Variants in ANKRD62 observed in about 807,000 individuals in gnomAD.
The protein encoded by ANKRD62 is ankyrin repeat domain-containing protein 62.
A neutral mutation model predicts 98.8 loss-of-function variants in ANKRD62; 61 were observed. The observed-to-expected ratio is 0.62, with a 90% CI of 0.50 to 0.76. The LOEUF (loss-of-function observed/expected upper bound fraction) is 0.76. Among genes scored for constraint, ANKRD62 ranks in the 30% least tolerant of loss-of-function variants. The pLI is 0.00. For missense variants in ANKRD62, 933 were observed against 1,082.9 expected (o/e 0.86, Z 1.94); for synonymous variants, 341 against 367.9 (o/e 0.93, Z 0.84).
chr18:12,096,348 C>T (rs994502035), intron 4 of ANKRD62, 46 bp downstream of exon 4: 4 of 1,113,258 alleles, frequency 3.6e-6, no homozygotes, highest in Non-Finnish European at 5.1e-6. Context: ...GAGTGGTGTT[C>T]TAGAGTGGTA....
intron 10 of ANKRD62, among the ~76,000 whole-genome samples, chr18:12,118,525 C>T (rs1006355196): frequency 3.3e-5 from 5 of 151,006 alleles, no homozygotes; most frequent in African/African-American, 1.2e-4. Context: ...AGGAGAATCG[C>T]TTGAAGCTGG....
chr18:12,127,263 G>A (rs1309080131), intron 13 of ANKRD62, among the ~76,000 whole-genome samples: 2 of 152,202 alleles, frequency 1.3e-5, no homozygotes, highest in Non-Finnish European at 2.9e-5. Flanking sequence ...GCTGGGGTCA[G>A]GGAGAGAAGT....
the ANKRD62 span, among the ~76,000 whole-genome samples, chr18:12,155,577 T>C: frequency 6.6e-6 from 1 of 152,218 alleles, no homozygotes; most frequent in Non-Finnish European, 1.5e-5. Flanking sequence ...CCTATCTGCC[T>C]GGGCTTGGGG....
chr18:12,132,713 T>G (rs1037361288), downstream of ANKRD62, among the ~76,000 whole-genome samples: 8 of 152,252 alleles, frequency 5.3e-5, no homozygotes, highest in African/African-American at 1.9e-4. Context: ...CTCAAATGCT[T>G]TTTCTGCATC....
In ANKRD62 at chr18:12,094,152, T is replaced by A. The variant is rs1484796788; in HGVS notation, c.135T>A (p.Ala45=). 3 of 1,532,514 alleles carry A rather than the reference T, an allele frequency of 2.0e-6. No individual in the cohort carries two copies. The South Asian group carries it at 3.6e-5, about 18-fold the overall frequency. The allele number at this position is 1,532,514 out of a possible 1,614,324, so 94.9% of individuals were successfully genotyped here. The change falls in exon 1 of 14, where the codon GCT becomes GCA. Residue 45 remains alanine (A), a synonymous_variant. Coordinates refer to ENST00000587848, the MANE Select transcript of ANKRD62 (RefSeq NM_001277333.2). Reference sequence around the variant, plus strand: ...AGGATCTGGGCATGATCCACAAAGCTGCCATCGCAGGTGATGTGAACAAGG... The same window carrying A: ...AGGATCTGGGCATGATCCACAAAGCAGCCATCGCAGGTGATGTGAACAAGG... The part of the protein sequence containing the change: ...RQKDLGMIHK[A]AIAGDVNKVM...
At chr18:12,121,026 T>C (rs1263153635) in intron 10 of ANKRD62, among the ~76,000 whole-genome samples, 1 of 152,212 alleles carries the variant, frequency 6.6e-6, no homozygotes, top group Non-Finnish European at 1.5e-5. Flanking sequence ...TCTTTGTTCC[T>C]TTCTATTTGG....
At chr18:12,100,576 G>T (rs899795288) in intron 6 of ANKRD62, among the ~76,000 whole-genome samples, 2 of 152,062 alleles carry the variant, frequency 1.3e-5, no homozygotes, top group Non-Finnish European at 2.9e-5. Flanking sequence ...GACCTTTCTG[G>T]TACCATGAAC....
At chr18:12,112,988 C>A (rs1208391491) in intron 8 of ANKRD62, among the ~76,000 whole-genome samples, 1 of 152,118 alleles carries the variant, frequency 6.6e-6, no homozygotes, top group Non-Finnish European at 1.5e-5. Context: ...CTCCCCATCC[C>A]GGGTTAAGTG....
At chr18:12,161,231 A>G in the ANKRD62 span, among the ~76,000 whole-genome samples, 4 of 152,134 alleles carry the variant, frequency 2.6e-5, no homozygotes, top group African/African-American at 9.7e-5. Flanking sequence ...CACACCTGAA[A>G]AGATAATGCA....
chr18:12,110,123 A>G (rs1909508547), intron 8 of ANKRD62, among the ~76,000 whole-genome samples: 1 of 152,176 alleles, frequency 6.6e-6, no homozygotes, highest in African/African-American at 2.4e-5. Flanking sequence ...TATGCACCAC[A>G]CCATATTTTT....
At chr18:12,119,886 TA>T (rs1909749118) in intron 10 of ANKRD62, among the ~76,000 whole-genome samples, 1 of 152,150 alleles carries the variant, frequency 6.6e-6, no homozygotes, top group South Asian at 2.1e-4. Context: ...CCAACCTCAA[TA>T]TGTTATTTTT....
chr18:12,119,637 C>T (rs951284946), intron 10 of ANKRD62, among the ~76,000 whole-genome samples: 1 of 152,144 alleles, frequency 6.6e-6, no homozygotes, highest in Admixed American at 6.5e-5. Context: ...CTCTAAAAAT[C>T]CGCCCTTGTG....
In ANKRD62 at chr18:12,125,732, T is replaced by G; in HGVS notation, c.1911T>G (p.Ser637=). The G allele has an allele frequency of 6.5e-7, 1 of 1,544,064 alleles. No homozygotes were observed. Residue 637 remains serine (S), a synonymous_variant, in exon 13 of 14, where the codon TCT becomes TCG. Coordinates refer to ENST00000587848, the MANE Select transcript of ANKRD62 (RefSeq NM_001277333.2). ...TGGATGAGAATACAATGCTCAATTCTGAGCTACAGAAGGAAAAACAAAGCA... is the reference window on the plus strand; with the variant it reads ...TGGATGAGAATACAATGCTCAATTCGGAGCTACAGAAGGAAAAACAAAGCA... The part of the protein sequence containing the change: ...VLMDENTMLN[S]ELQKEKQSMS...
At chr18:12,105,008 T>C (rs908454019) in intron 7 of ANKRD62, among the ~76,000 whole-genome samples, 1 of 152,120 alleles carries the variant, frequency 6.6e-6, no homozygotes, top group African/African-American at 2.4e-5. Context: ...TAGTTACAAT[T>C]GAAATAAAAG....
the ANKRD62 span, among the ~76,000 whole-genome samples, chr18:12,146,399 C>G: frequency 6.6e-6 from 1 of 152,156 alleles, no homozygotes; most frequent in Non-Finnish European, 1.5e-5. Flanking sequence ...AAGAGACCCC[C>G]AGCACAGCAC....
At chr18:12,163,082 T>C in the ANKRD62 span, among the ~76,000 whole-genome samples, 2 of 152,166 alleles carry the variant, frequency 1.3e-5, no homozygotes, top group African/African-American at 2.4e-5. Context: ...AGGGATTGCA[T>C]TGAATCTGTA....
chr18:12,133,004 T>G (rs1422859836), downstream of ANKRD62, among the ~76,000 whole-genome samples: 1 of 152,108 alleles, frequency 6.6e-6, no homozygotes, highest in African/African-American at 2.4e-5. Context: ...CATACAACAA[T>G]CACTACTATC....
chr18:12,136,285 A>G, the ANKRD62 span, among the ~76,000 whole-genome samples: 266 of 152,030 alleles, frequency 1.7e-3, no homozygotes, highest in Non-Finnish European at 3.1e-3. Flanking sequence ...TCCCAGCACC[A>G]TTTATTAAAT....
Position 12,107,479 on chromosome 18 carries a change from G to A in ANKRD62, c.1064+12G>A, listed in dbSNP as rs1909440055. 1 of 1,480,590 alleles carries A rather than the reference G, an allele frequency of 6.8e-7. No homozygotes were observed. The highest frequency in any genetic ancestry group is 1.4e-5 in the South Asian group (1 of 73,428). The allele number at this position is 1,480,590 out of a possible 1,614,324, so 91.7% of individuals were successfully genotyped here. On this transcript the variant is annotated intron_variant, in intron 8 of 13. Transcript: ENST00000587848. ...GGCGAGTTTGATAGGTAATCCTGTAGCGATAGTTAACAGCGGATCACTGTT... is the reference window on the plus strand; with the variant it reads ...GGCGAGTTTGATAGGTAATCCTGTAACGATAGTTAACAGCGGATCACTGTT...
Sources: gnomAD v4.1 joint callset for allele counts (sites outside exome capture counted in the v4.1 genomes callset) on GRCh38, gnomAD v4.1.1 for gene constraint, MANE v1.5 for transcripts, NCBI Gene and HGNC (gene_info 2026-07-23, HGNC 2026-07-21) for gene names.